XPO4: variants seen among roughly 807,000 people sequenced by gnomAD.
The protein encoded by XPO4 is exportin-4.
In XPO4, 39 loss-of-function variants were observed where a neutral mutation model predicts 143.0. The ratio of observed to expected loss-of-function variants is 0.27; its 90% CI spans 0.21 to 0.36. The LOEUF is 0.36. Among genes scored for constraint, XPO4 ranks in the 10% least tolerant of loss-of-function variants. XPO4 has a pLI of 1.00. For missense variants in XPO4, 907 were observed against 1,348.0 expected, an observed-to-expected ratio of 0.67 and a Z score of 5.12; for synonymous variants, 439 against 474.0, an observed-to-expected ratio of 0.93 and a Z score of 0.96.
At chr13:20,869,741 T>A (rs1249296447) in intron 1 of XPO4, 1 of 262,556 alleles carries the variant, frequency 3.8e-6, no homozygotes, top group Non-Finnish European at 5.9e-6. Flanking sequence ...TAAAGCCAGT[T>A]CAGACTACTA....
chr13:20,856,768 T>C (rs557160540), intron 3 of XPO4: 198 of 888,838 alleles, frequency 2.2e-4, no homozygotes, highest in Non-Finnish European at 2.5e-4. Flanking sequence ...TGCAGACATA[T>C]TGACCTTTCA....
intron 2 of XPO4, 123 bp downstream of exon 2, chr13:20,868,473 T>C: frequency 7.5e-7 from 1 of 1,327,838 alleles, no homozygotes; most frequent in Non-Finnish European, 9.8e-7. Context: ...GATTATTAAT[T>C]TAAATAATTG....
chr13:20,872,890 C>T (rs1183315669), intron 1 of XPO4, among the ~76,000 whole-genome samples: 1 of 152,128 alleles, frequency 6.6e-6, no homozygotes, highest in Non-Finnish European at 1.5e-5. Flanking sequence ...GGACCCAATA[C>T]AGACATTAAA....
At chr13:20,874,538 C>T (rs1033781773) in intron 1 of XPO4, among the ~76,000 whole-genome samples, 1 of 152,134 alleles carries the variant, frequency 6.6e-6, no homozygotes, top group African/African-American at 2.4e-5. Context: ...AGAGTGGGGT[C>T]CTGATAAAAG....
chr13:20,865,759 AT>A (rs2060239378), intron 2 of XPO4, among the ~76,000 whole-genome samples: 1 of 152,156 alleles, frequency 6.6e-6, no homozygotes, highest in Non-Finnish European at 1.5e-5. Flanking sequence ...GGCCTTAAGT[AT>A]TTCTGTCCAA....
At position 20,788,602 on chromosome 13, in the gene XPO4, A is replaced by G; in HGVS notation, c.2931T>C (p.Cys977=). The G allele has an allele frequency of 6.2e-7, 1 of 1,602,346 alleles. No homozygotes were observed. Among genetic ancestry groups the G allele is most frequent in the Non-Finnish European group, 8.5e-7 (1 of 1,176,134 alleles). Residue 977 remains cysteine, a synonymous_variant, in exon 20 of 23, where the codon TGT becomes TGC. Coordinates refer to ENST00000255305, the MANE Select transcript of XPO4 (RefSeq NM_022459.5). The part of the protein sequence containing the change: ...SQDLLKFPTL[C]NQYYKLITFI... ...ATGTGATTAATTTGTAGTACTGATT[A>G]CAAAGGGTTGGAAACTGAAAAAGAA...
At chr13:20,879,511 G>A (rs2060385346) in intron 1 of XPO4, among the ~76,000 whole-genome samples, 2 of 152,142 alleles carry the variant, frequency 1.3e-5, no homozygotes. Flanking sequence ...TATGTACCTA[G>A]GCACTTGGAG....
At chr13:20,845,212 C>G (rs1175547208) in intron 4 of XPO4, among the ~76,000 whole-genome samples, 1 of 152,098 alleles carries the variant, frequency 6.6e-6, no homozygotes, top group Non-Finnish European at 1.5e-5. Context: ...TCCTATTTGC[C>G]TCTTAATCTC....
intron 1 of XPO4, among the ~76,000 whole-genome samples, chr13:20,871,300 A>C (rs910874846): frequency 2.0e-5 from 3 of 152,070 alleles, no homozygotes; most frequent in African/African-American, 7.2e-5. Context: ...GATCACAGGC[A>C]TGAGCCACCG....
At chr13:20,896,565 CATTTA>C (rs2060571618) in intron 1 of XPO4, among the ~76,000 whole-genome samples, 1 of 152,094 alleles carries the variant, frequency 6.6e-6, no homozygotes. Flanking sequence ...TCTTGCAACC[CATTTA>C]TTTTTCTTAC....
At chr13:20,813,482 GATC>G (rs965616755) in intron 9 of XPO4, among the ~76,000 whole-genome samples, 6 of 152,176 alleles carry the variant, frequency 3.9e-5, no homozygotes, top group Non-Finnish European at 5.9e-5. Flanking sequence ...AGCAAATTAA[GATC>G]ATATTTTATG....
chr13:20,899,347 A>G (rs1410408348), intron 1 of XPO4, among the ~76,000 whole-genome samples: 1 of 136,334 alleles, frequency 7.3e-6, no homozygotes, highest in Non-Finnish European at 1.6e-5. Context: ...TAAAAAAAGT[A>G]AAAAAAAAAA....
At chr13:20,857,890 T>C in intron 3 of XPO4, 1 of 985,344 alleles carries the variant, frequency 1.0e-6, no homozygotes, top group Non-Finnish European at 1.2e-6. Context: ...TGTATACAAA[T>C]TTTATTTCAA....
intron 2 of XPO4, among the ~76,000 whole-genome samples, chr13:20,867,415 C>A (rs2138132096): frequency 6.6e-6 from 1 of 152,362 alleles, no homozygotes; most frequent in East Asian, 1.9e-4. Flanking sequence ...ATTTACCTCA[C>A]TGTTCACAAA....
intron 21 of XPO4, 34 bp downstream of exon 21, chr13:20,787,447 G>C: frequency 6.3e-7 from 1 of 1,579,524 alleles, no homozygotes; most frequent in Non-Finnish European, 8.7e-7. Flanking sequence ...TTTGAAAGTA[G>C]CTGATTTTCT....
At chr13:20,785,232 AATT>A (rs1242469666) in intron 22 of XPO4, among the ~76,000 whole-genome samples, 1 of 152,134 alleles carries the variant, frequency 6.6e-6, no homozygotes, top group Non-Finnish European at 1.5e-5. Flanking sequence ...ACCAAATGTT[AATT>A]ACATTTGGAA....
At chr13:20,878,613 C>T (rs1595156053) in intron 1 of XPO4, among the ~76,000 whole-genome samples, 1 of 152,054 alleles carries the variant, frequency 6.6e-6, no homozygotes, top group Admixed American at 6.6e-5. Flanking sequence ...ATTTTTAAAA[C>T]TCAATAGTAT....
chr13:20,822,381 A>G, intron 7 of XPO4, 92 bp from the exon 8 acceptor site: 1 of 1,089,580 alleles, frequency 9.2e-7, no homozygotes, highest in Non-Finnish European at 1.3e-6. Context: ...ACAAAAATTC[A>G]CTGTAGCTGG....
At chr13:20,878,443 T>C (rs558854997) in intron 1 of XPO4, among the ~76,000 whole-genome samples, 2 of 152,248 alleles carry the variant, frequency 1.3e-5, no homozygotes, top group East Asian at 3.9e-4. Context: ...AATTTAAATT[T>C]CCACCAACAG....
Sources: allele counts gnomAD v4.1 joint callset (sites outside exome capture counted in the v4.1 genomes callset), GRCh38; gene constraint gnomAD v4.1.1; transcripts MANE v1.5; gene names NCBI Gene and HGNC (gene_info 2026-07-23, HGNC 2026-07-21).